The following ANKRD24 variants were observed in gnomAD, a reference collection of about 807,000 sequenced individuals.
ANKRD24 encodes the protein ankyrin repeat domain-containing protein 24.
A neutral mutation model predicts 127.8 loss-of-function variants in ANKRD24; 109 were observed. That is an observed-to-expected ratio of 0.85 (90% CI 0.73 to 1.00). ANKRD24 has a LOEUF of 1.00. Ranked by LOEUF, ANKRD24 falls within the 50% of genes least tolerant of loss-of-function variation. The probability of loss-of-function intolerance (pLI) is 0.00; values close to 1 mark genes in which losing one functional copy is unlikely to be tolerated. For synonymous variants in ANKRD24, 743 were observed against 671.1 expected (o/e 1.11, Z -1.66); for missense variants, 1,648 against 1,570.2 (o/e 1.05, Z -0.84).
intron 18 of ANKRD24, 120 bp downstream of exon 18, chr19:4,218,283 TTTTATTTATTTA>T (rs138297941): frequency 7.6e-6 from 5 of 658,840 alleles, no homozygotes; most frequent in African/African-American, 5.9e-5. Context: ...ACCTACTTTA[TTTTATTTATTTA>T]TTTATTTATT....
chr19:4,217,230 A>T lies in ANKRD24; in HGVS notation c.2070A>T (p.Thr690=). The T allele has an allele frequency of 6.3e-7, 1 of 1,598,628 alleles. No homozygotes were observed. The highest frequency in any genetic ancestry group is 8.5e-7 in the Non-Finnish European group (1 of 1,172,328). ...TGMESTGVSA[T]GVENPGVEAT... ...TGGAATCCACAGGAGTCAGTGCCAC[A>T]GGTGTGGAGAACCCAGGGGTAGAGG... Residue 690 remains threonine, a synonymous_variant, in exon 18 of 22, where the codon ACA becomes ACT. Coordinates refer to ENST00000318934, the MANE Select transcript of ANKRD24 (RefSeq NM_001393985.1).
intron 7 of ANKRD24, among the ~76,000 whole-genome samples, chr19:4,203,930 C>A (rs113331309): frequency 0.017 from 2,397 of 143,606 alleles, 65 homozygotes; most frequent in African/African-American, 0.057. Flanking sequence ...GGATTACAGG[C>A]GTGAGCCACC....
chr19:4,213,705 G>A (rs537957098), intron 15 of ANKRD24, among the ~76,000 whole-genome samples: 121 of 151,674 alleles, frequency 8.0e-4, no homozygotes, highest in African/African-American at 2.5e-3. Context: ...ATCTCAGCTC[G>A]CTGCAACCTC....
At position 4,216,297 on chromosome 19, in the gene ANKRD24, G is replaced by A. The variant is rs1970063990; in HGVS notation, c.1284G>A (p.Leu428=). 13 of 1,555,186 alleles carry A rather than the reference G, an allele frequency of 8.4e-6. No homozygotes were observed. The highest frequency in any genetic ancestry group is 9.6e-6 in the Non-Finnish European group (11 of 1,149,112). Residue 428 remains leucine, a synonymous_variant, in exon 17 of 22, where the codon CTG becomes CTA. Transcript: ENST00000318934. ...GTCCCCCTCCAGGGGCCGAGGTGCT[G>A]CTGTCCAGACAACTCAGTCCGTCGG... ...ELPDLPGAEV[L]LSRQLSPSAQ... is the part of the protein sequence containing the mutation.
Position 4,199,400 on chromosome 19 carries a change from C to A in ANKRD24, c.37-283C>A. On this transcript the variant is annotated intron_variant, in intron 2 of 21. Transcript: ENST00000318934. This position sits in a 1 kb window ranked among gnomAD's most constrained non-coding sequence, Gnocchi z 5.2. ...TGATGATTTTTATTTTTTGTAGAGA[C>A]GGGGTCCTACTATGGTGCCCAGGTT... The A allele has an allele frequency of 1.7e-6, 1 of 578,196 alleles. No homozygotes were observed. The highest frequency in any genetic ancestry group is 2.2e-6 in the Non-Finnish European group (1 of 458,230). The allele number at this position is 578,196 out of a possible 1,614,324, so 35.8% of individuals were successfully genotyped here.
At chr19:4,210,421 A>G (rs1969655425) in intron 13 of ANKRD24, 49 bp downstream of exon 13, 9 of 1,436,234 alleles carry the variant, frequency 6.3e-6, no homozygotes, top group Non-Finnish European at 7.5e-6. Context: ...GGTGGGGTCA[A>G]TGCAGGCATG....
At chr19:4,185,998 A>G (rs979049592) in intron 1 of ANKRD24, among the ~76,000 whole-genome samples, 2 of 152,170 alleles carry the variant, frequency 1.3e-5, no homozygotes, top group Admixed American at 6.6e-5. Flanking sequence ...AAAAGAAACC[A>G]TTCTAGGCAG....
intron 2 of ANKRD24, 58 bp downstream of exon 2, chr19:4,186,519 TG>T (rs1323770472): frequency 1.9e-6 from 3 of 1,549,150 alleles, no homozygotes; most frequent in Non-Finnish European, 2.6e-6. Flanking sequence ...TTCTGTCTCC[TG>T]GGGCTTGGCT....
At position 4,216,400 on chromosome 19, in the gene ANKRD24, C is replaced by G; in HGVS notation, c.1387C>G (p.Gln463Glu). 6.4e-7 allele frequency: 1 copy of G among 1,565,800 alleles called. No homozygotes were observed. Among genetic ancestry groups the G allele is most frequent in the Non-Finnish European group, 8.7e-7 (1 of 1,155,298 alleles). Reference sequence around the variant, plus strand: ...GAACCAGGAACTGATGGAGAAGGTCCAGGTAGGGAAAGTGAGGCTGGGGAC... The same window carrying G: ...GAACCAGGAACTGATGGAGAAGGTCGAGGTAGGGAAAGTGAGGCTGGGGAC... Reference protein sequence around the residue: ...RQNQELMEKVQILENFEKDET... With the variant: ...RQNQELMEKVEILENFEKDET... Residue 463 changes from glutamine to glutamate, a missense_variant and splice_region_variant, in exon 17 of 22, where the codon CAG (glutamine) becomes GAG (glutamate). Coordinates refer to ENST00000318934, the MANE Select transcript of ANKRD24 (RefSeq NM_001393985.1).
At position 4,199,710 on chromosome 19, in the gene ANKRD24, T is replaced by C. The variant is rs1440266124; in HGVS notation, c.64T>C (p.Ser22Pro). 2.6e-6 allele frequency: 4 copies of C among 1,538,274 alleles called. No individual in the cohort carries two copies. Among genetic ancestry groups the C allele is most frequent in the Non-Finnish European group, 3.5e-6 (4 of 1,144,866 alleles). Residue 22 changes from serine (S) to proline (P), a missense_variant, in exon 3 of 22, where the codon TCC (serine) becomes CCC (proline). Physicochemically the swap from Ser to Pro is moderately conservative, Grantham distance 74. Transcript: ENST00000318934. This position sits in a 1 kb window ranked among gnomAD's most constrained non-coding sequence, Gnocchi z 5.2. ...GCGGCTCAGCCCCACTGACCTTGGCTCCTGCCCGCCCTGCGGCCCCTGCCC... is the reference window on the plus strand; with the variant it reads ...GCGGCTCAGCCCCACTGACCTTGGCCCCTGCCCGCCCTGCGGCCCCTGCCC... ...ELRLSPTDLG[S>P]CPPCGPCPIP...
At chr19:4,212,315 G>A (rs1969785388) in intron 13 of ANKRD24, among the ~76,000 whole-genome samples, 160 bp from the exon 14 acceptor site, 1 of 152,252 alleles carries the variant, frequency 6.6e-6, no homozygotes, top group African/African-American at 2.4e-5. Context: ...GTACACAGCA[G>A]GCACTCAATA....
Position 4,195,825 on chromosome 19 carries a change from C to T in ANKRD24, c.37-3858C>T, listed in dbSNP as rs543404627. On this transcript the variant is annotated intron_variant, in intron 2 of 21. Transcript: ENST00000318934. The surrounding 1 kb of genome is among the most constrained non-coding windows in gnomAD (Gnocchi z 4.2). Reference sequence around the variant, plus strand: ...AGGAGAATTGCTTGAACCCGGGAGGCAGAGCTTGCAGTGAGCCGAGATCGC... The same window carrying T: ...AGGAGAATTGCTTGAACCCGGGAGGTAGAGCTTGCAGTGAGCCGAGATCGC... Among the ~76,000 whole-genome samples the T allele has an allele frequency of 2.6e-5, 4 of 152,240 alleles. No individual in the cohort carries two copies. The South Asian group carries it at 8.3e-4, about 32-fold the overall frequency.
chr19:4,217,516 C>T lies in ANKRD24; in HGVS notation c.2356C>T (p.Gln786Ter). ...ASGGGGGDTT[Q>*]LRAALEQARE... ...CGGGGGCGGTGGCGGTGACACCACA[C>T]AGCTGCGGGCGGCCCTGGAGCAGGC... Residue 786 changes from glutamine (Q) to a stop codon, truncating the protein, a stop_gained, in exon 18 of 22, where the codon CAG becomes TAG. Coordinates refer to ENST00000318934, the MANE Select transcript of ANKRD24 (RefSeq NM_001393985.1). LOFTEE classifies it high-confidence loss of function. 1 of 1,371,210 alleles carries T rather than the reference C, an allele frequency of 7.3e-7. No homozygotes were observed. The highest frequency in any genetic ancestry group is 3.0e-5 in the East Asian group (1 of 32,932). The allele number at this position is 1,371,210 out of a possible 1,614,324, so 84.9% of individuals were successfully genotyped here. A position where few individuals can be genotyped will look rare whatever the true frequency, so the allele number is the denominator to read the frequency against.
intron 2 of ANKRD24, among the ~76,000 whole-genome samples, chr19:4,192,866 C>A (rs748198551): frequency 6.6e-6 from 1 of 151,552 alleles, no homozygotes; most frequent in African/African-American, 2.4e-5. Context: ...CCCAGGAGGT[C>A]GAGGCTACAG....
intron 7 of ANKRD24, among the ~76,000 whole-genome samples, chr19:4,206,570 G>A (rs1346198686): frequency 6.6e-6 from 1 of 152,126 alleles, no homozygotes; most frequent in Non-Finnish European, 1.5e-5. Context: ...GAGGCAGGAG[G>A]ATCACTTGAG....
chr19:4,220,467 A>T (rs1214263637), intron 19 of ANKRD24, among the ~76,000 whole-genome samples: 1 of 151,700 alleles, frequency 6.6e-6, no homozygotes, highest in Admixed American at 6.6e-5. Context: ...CCACGTTCCC[A>T]CGTTTCGTTC....
rs895111521 is a variant in ANKRD24 at position 4,217,949 on chromosome 19, G to A, written c.2789G>A (p.Arg930Gln). ...CTGCAGGAGGAGGCCCTGGAGCTGC[G>A]GGGCCGGGCAGCCAGTCTGGAGCAG... ...RRLQEEALEL[R>Q]GRAASLEQEV... is the part of the protein sequence containing the mutation. Residue 930 changes from arginine to glutamine, a missense_variant, in exon 18 of 22, where the codon CGG (arginine) becomes CAG (glutamine). Arg to Gln is a conservative substitution (Grantham distance 43, BLOSUM62 1). Transcript: ENST00000318934. 30 of 1,507,200 alleles carry A rather than the reference G, an allele frequency of 2.0e-5. No homozygotes were observed. Among genetic ancestry groups the A allele is most frequent in the Admixed American group, 6.3e-5 (3 of 47,836 alleles). The allele number at this position is 1,507,200 out of a possible 1,614,324, so 93.4% of individuals were successfully genotyped here.
chr19:4,188,203 G>A (rs944386790), intron 2 of ANKRD24, among the ~76,000 whole-genome samples: 5 of 150,370 alleles, frequency 3.3e-5, no homozygotes, highest in East Asian at 2.0e-4. Context: ...TCAGCCTCCC[G>A]AGTAGCTGGG....
rs764219256 is a variant in ANKRD24 at position 4,216,790 on chromosome 19, A to G, written c.1630A>G (p.Met544Val). ...GGCCACCAAAAACGGGCCAACCCAC[A>G]TGGAGCTAAATGGCTCAGTGGCTCC... ...ATATKNGPTH[M>V]ELNGSVAPET... Residue 544 changes from methionine (M) to valine (V), a missense_variant, in exon 18 of 22, where the codon ATG (methionine) becomes GTG (valine). Physicochemically the swap from Met to Val is conservative, Grantham distance 21. Transcript: ENST00000318934. The G allele has an allele frequency of 1.5e-5, 24 of 1,600,790 alleles. No homozygotes were observed. Among genetic ancestry groups the G allele is most frequent in the Non-Finnish European group, 2.0e-5 (24 of 1,174,126 alleles).
Sources: allele counts gnomAD v4.1 joint callset (sites outside exome capture counted in the v4.1 genomes callset), GRCh38; gene constraint gnomAD v4.1.1; non-coding constraint Gnocchi (gnomAD v3.1); transcripts MANE v1.5; gene names NCBI Gene and HGNC (gene_info 2026-07-23, HGNC 2026-07-21).